The following MICU1 variants were observed in gnomAD, a reference collection of about 807,000 sequenced individuals.
The protein encoded by MICU1 is mitochondrial calcium uptake 1.
A neutral mutation model predicts 56.8 loss-of-function variants in MICU1; 45 were observed. The observed-to-expected ratio is 0.79, with a 90% CI of 0.62 to 1.02. The LOEUF (loss-of-function observed/expected upper bound fraction) is 1.02, where lower values mean the gene tolerates loss of function less well. Ranked by LOEUF, MICU1 falls within the 50% of genes least tolerant of loss-of-function variation. MICU1 has a pLI of 0.00. For missense variants in MICU1, 504 were observed against 587.1 expected (o/e 0.86, Z 1.46); for synonymous variants, 186 against 195.1 (o/e 0.95, Z 0.39).
chr10:72,374,341 G>A (rs1004508110), intron 11 of MICU1, among the ~76,000 whole-genome samples: 3 of 152,186 alleles, frequency 2.0e-5, no homozygotes, highest in Non-Finnish European at 4.4e-5. Context: ...GCCCAGGCTG[G>A]TCTCAAACTC....
At chr10:72,486,869 A>T (rs959765376) in intron 6 of MICU1, among the ~76,000 whole-genome samples, 2 of 152,244 alleles carry the variant, frequency 1.3e-5, no homozygotes, top group Non-Finnish European at 2.9e-5. Context: ...TTAAAAAAAA[A>T]TTTGCACCAA....
intron 1 of MICU1, among the ~76,000 whole-genome samples, chr10:72,580,288 T>A (rs1840862502): frequency 6.6e-6 from 1 of 152,118 alleles, no homozygotes; most frequent in Admixed American, 6.6e-5. Flanking sequence ...CATCCAATGT[T>A]ATTTTTTAGT....
At chr10:72,618,092 G>A (rs968408568) in intron 1 of MICU1, among the ~76,000 whole-genome samples, 24 of 151,232 alleles carry the variant, frequency 1.6e-4, no homozygotes, top group African/African-American at 5.6e-4. Flanking sequence ...GCTTGAGCCT[G>A]GGAGGTGGAG....
chr10:72,501,329 T>G (rs1012995440), intron 6 of MICU1, among the ~76,000 whole-genome samples: 1 of 152,130 alleles, frequency 6.6e-6, no homozygotes, highest in African/African-American at 2.4e-5. Context: ...CACATTTTCC[T>G]CATTTCACTG....
intron 5 of MICU1, among the ~76,000 whole-genome samples, chr10:72,521,242 G>A (rs1423613952): frequency 1.3e-5 from 2 of 152,040 alleles, no homozygotes; most frequent in Non-Finnish European, 1.5e-5. Context: ...GAGGATCACC[G>A]TTCACAACCT....
In MICU1 at chr10:72,508,284, G is replaced by T. The variant is rs1388473424; in HGVS notation, c.538-15C>A. 2 of 1,298,558 alleles carry T rather than the reference G, an allele frequency of 1.5e-6. No individual in the cohort carries two copies. Among genetic ancestry groups the T allele is most frequent in the Non-Finnish European group, 2.1e-6 (2 of 944,386 alleles). The allele number at this position is 1,298,558 out of a possible 1,614,324, so 80.4% of individuals were successfully genotyped here. On this transcript the variant is annotated splice_polypyrimidine_tract_variant and intron_variant, in intron 5 of 11. Coordinates refer to ENST00000361114, the MANE Select transcript of MICU1 (RefSeq NM_001195518.2). ...TGGGAAATTTTCTATAGAATGTATGGGTCCCACCAAAAGACAAAAATATAT... is the reference window on the plus strand; with the variant it reads ...TGGGAAATTTTCTATAGAATGTATGTGTCCCACCAAAAGACAAAAATATAT...
intron 6 of MICU1, among the ~76,000 whole-genome samples, chr10:72,503,425 T>G (rs1038981036): frequency 2.0e-5 from 3 of 152,144 alleles, no homozygotes; most frequent in Admixed American, 6.5e-5. Context: ...CAGTTTTGCT[T>G]GTCATAGCTG....
At chr10:72,489,328 A>T (rs1352880022) in intron 6 of MICU1, among the ~76,000 whole-genome samples, 3 of 142,312 alleles carry the variant, frequency 2.1e-5, no homozygotes, top group African/African-American at 9.2e-5. Flanking sequence ...ACACACAAAA[A>T]TAAAAAAAAA....
intron 4 of MICU1, among the ~76,000 whole-genome samples, chr10:72,537,331 T>C (rs1033115502): frequency 4.6e-5 from 7 of 152,180 alleles, no homozygotes; most frequent in Admixed American, 1.3e-4. Context: ...ACTACTCCTC[T>C]AGAAAATCTA....
intron 5 of MICU1, among the ~76,000 whole-genome samples, chr10:72,530,234 G>T (rs1250042313): frequency 2.6e-5 from 4 of 151,052 alleles, no homozygotes; most frequent in Non-Finnish European, 4.4e-5. Context: ...AGAAGGCTGA[G>T]GCAGGAGAAT....
intron 1 of MICU1, among the ~76,000 whole-genome samples, chr10:72,615,466 A>C (rs1358989001): frequency 6.6e-6 from 1 of 152,066 alleles, no homozygotes; most frequent in East Asian, 1.9e-4. Flanking sequence ...TTTTTCCTGT[A>C]AACTGGAAGT....
At chr10:72,471,112 A>T (rs1865937079) in intron 8 of MICU1, among the ~76,000 whole-genome samples, 1 of 151,968 alleles carries the variant, frequency 6.6e-6, no homozygotes, top group South Asian at 2.1e-4. Context: ...TTGAGACAGA[A>T]TCTCACTCTG....
chr10:72,562,625 C>A (rs891686165), intron 3 of MICU1: 1 of 272,938 alleles, frequency 3.7e-6, no homozygotes, highest in African/African-American at 2.2e-5. Flanking sequence ...TCAGGAAGAT[C>A]CAGAAAAAAA....
intron 10 of MICU1, among the ~76,000 whole-genome samples, chr10:72,403,629 TTGTGTGTGTGTGTGTGTG>T (rs60373032): frequency 7.9e-5 from 11 of 139,932 alleles, no homozygotes; most frequent in African/African-American, 2.6e-4. Context: ...CATACCAAAA[TTGTGTGTGTGTGTGTGTG>T]TGTGTGTGTG....
chr10:72,382,397 C>T (rs142484930), intron 10 of MICU1, among the ~76,000 whole-genome samples: 1 of 151,978 alleles, frequency 6.6e-6, no homozygotes, highest in African/African-American at 2.4e-5. Flanking sequence ...CAGGCATGAG[C>T]CACCGCGCCT....
In MICU1 at chr10:72,569,233, A is replaced by ATTTTTTTTTTTT. The variant is rs1231227018; in HGVS notation, c.-1-2440_-1-2439insAAAAAAAAAAAA. Among the ~76,000 whole-genome samples the ATTTTTTTTTTTT allele has an allele frequency of 1.6e-3, 64 of 40,324 alleles. 2 individuals are homozygous for ATTTTTTTTTTTT. The highest frequency in any genetic ancestry group is 2.6e-3 in the Non-Finnish European group (51 of 19,574). 26.5% of individuals were successfully genotyped at this position (40,324 alleles called of 152,430 possible). On this transcript the variant is annotated intron_variant, in intron 1 of 11. Transcript: ENST00000361114. ...TATATATATATATATATATATATAT[A>ATTTTTTTTTTTT]TATATTTTTTTTTTTTTTTGAGATG...
intron 10 of MICU1, among the ~76,000 whole-genome samples, chr10:72,378,254 C>T (rs922105447): frequency 1.3e-5 from 2 of 152,166 alleles, no homozygotes; most frequent in African/African-American, 2.4e-5. Context: ...CTCTGTCTCA[C>T]AAAAGCAAAA....
rs879519336 is a variant in MICU1, at chr10:72,543,172, G to A, written c.493+8007C>T. Among the ~76,000 whole-genome samples, 8 of 152,258 alleles carry A rather than the reference G, an allele frequency of 5.3e-5. No homozygotes were observed. In the Middle Eastern group the frequency reaches 0.01, roughly 194 times the overall value. ...TCAGGCTTTTTGGCTTGAAGGTGGG[G>A]TTTTGTCAGGGACCTGCCCTGTCTG... On this transcript the variant is annotated intron_variant, in intron 4 of 11. Coordinates refer to ENST00000361114, the MANE Select transcript of MICU1 (RefSeq NM_001195518.2).
intron 1 of MICU1, among the ~76,000 whole-genome samples, chr10:72,589,444 C>A (rs991095381): frequency 2.6e-5 from 4 of 152,136 alleles, no homozygotes; most frequent in Non-Finnish European, 4.4e-5. Context: ...AACTCAACAT[C>A]ATAAACCCTT....
Sources: allele counts gnomAD v4.1 joint callset (sites outside exome capture counted in the v4.1 genomes callset), GRCh38; gene constraint gnomAD v4.1.1; transcripts MANE v1.5; gene names NCBI Gene and HGNC (gene_info 2026-07-23, HGNC 2026-07-21).